Variants in SLC24A3 observed in about 807,000 individuals in gnomAD.
SLC24A3 encodes the protein solute carrier family 24 member 3.
In SLC24A3, 28 loss-of-function variants were observed where a neutral mutation model predicts 75.8. That is an observed-to-expected ratio of 0.37 (90% CI 0.27 to 0.51). SLC24A3 has a LOEUF of 0.51. Among genes scored for constraint, SLC24A3 ranks in the 20% least tolerant of loss-of-function variants. The pLI is 0.94. For synonymous variants in SLC24A3, 372 were observed against 334.1 expected (o/e 1.11, Z -1.24); for missense variants, 663 against 847.8 (o/e 0.78, Z 2.71).
chr20:19,287,403 C>T (rs1295246369), intron 2 of SLC24A3, among the ~76,000 whole-genome samples: 1 of 152,224 alleles, frequency 6.6e-6, no homozygotes, highest in Non-Finnish European at 1.5e-5. Context: ...CCATGTACAT[C>T]AGTGGAATGT....
In SLC24A3 at chr20:19,656,722, G is replaced by A. The variant is rs542118602; in HGVS notation, c.687+2586G>A. On this transcript the variant is annotated intron_variant, in intron 7 of 16. Transcript: ENST00000328041. Reference sequence around the variant, plus strand: ...ACGACTGTGCTCATGAAGACAAGGTGGTGGAACAGAATGGAGCAGATTTGG... The same window carrying A: ...ACGACTGTGCTCATGAAGACAAGGTAGTGGAACAGAATGGAGCAGATTTGG... Among the ~76,000 whole-genome samples the A allele has an allele frequency of 2.6e-5, 4 of 152,272 alleles. No individual in the cohort carries two copies. The South Asian group carries it at 8.3e-4, about 32-fold the overall frequency.
chr20:19,331,295 G>A (rs1273230955), intron 2 of SLC24A3, among the ~76,000 whole-genome samples: 2 of 152,164 alleles, frequency 1.3e-5, no homozygotes, highest in Non-Finnish European at 2.9e-5. Context: ...AGGGTGAGGG[G>A]CAATGATGCT....
intron 6 of SLC24A3, among the ~76,000 whole-genome samples, chr20:19,650,890 A>C (rs890791545): frequency 1.3e-5 from 2 of 152,120 alleles, no homozygotes; most frequent in Non-Finnish European, 2.9e-5. Flanking sequence ...TGTACGTTCA[A>C]AATTATCAAC....
intron 2 of SLC24A3, among the ~76,000 whole-genome samples, chr20:19,311,302 T>G (rs1417951973): frequency 1.3e-5 from 2 of 152,020 alleles, no homozygotes; most frequent in South Asian, 2.1e-4. Flanking sequence ...GGCCCGCGGA[T>G]GGGTTCTCTG....
intron 6 of SLC24A3, among the ~76,000 whole-genome samples, chr20:19,586,795 C>A (rs1463971766): frequency 6.6e-6 from 1 of 152,202 alleles, no homozygotes; most frequent in Non-Finnish European, 1.5e-5. Flanking sequence ...GGATGGGTCC[C>A]TTCTATCTGG....
At chr20:19,698,076 GGCA>G (rs1805396609) in intron 14 of SLC24A3, among the ~76,000 whole-genome samples, 1 of 152,164 alleles carries the variant, frequency 6.6e-6, no homozygotes, top group South Asian at 2.1e-4. Flanking sequence ...ACGGGGAGCA[GGCA>G]TGTCTTACAC....
chr20:19,264,840 C>T (rs1490969899), intron 1 of SLC24A3, among the ~76,000 whole-genome samples: 2 of 152,144 alleles, frequency 1.3e-5, no homozygotes, highest in East Asian at 1.9e-4. Context: ...TCATTCTTCA[C>T]GTGGACAATT....
chr20:19,489,962 G>A (rs1256456428), intron 2 of SLC24A3, among the ~76,000 whole-genome samples: 1 of 152,208 alleles, frequency 6.6e-6, no homozygotes, highest in East Asian at 1.9e-4. Flanking sequence ...GTAGGAGGAA[G>A]TAGAAACTGT....
intron 2 of SLC24A3, among the ~76,000 whole-genome samples, chr20:19,426,803 C>A (rs1464512196): frequency 1.3e-5 from 2 of 152,108 alleles, no homozygotes; most frequent in South Asian, 2.1e-4. Flanking sequence ...GAGGCTACTG[C>A]GGCCATCCAG....
chr20:19,533,114 C>T (rs942097422), intron 3 of SLC24A3, among the ~76,000 whole-genome samples: 1 of 152,222 alleles, frequency 6.6e-6, no homozygotes, highest in African/African-American at 2.4e-5. Flanking sequence ...CTGGGTCTAT[C>T]GGTTGACTGC....
At chr20:19,652,559 AC>A (rs1423951227) in intron 6 of SLC24A3, among the ~76,000 whole-genome samples, 5 of 152,230 alleles carry the variant, frequency 3.3e-5, no homozygotes, top group Admixed American at 1.3e-4. Flanking sequence ...CTTCTTGACA[AC>A]CCTGTCATGT....
chr20:19,367,287 G>A (rs747373048), intron 2 of SLC24A3, among the ~76,000 whole-genome samples: 7 of 152,192 alleles, frequency 4.6e-5, no homozygotes, highest in Non-Finnish European at 8.8e-5. Context: ...CACAGGAGCC[G>A]ATTGGCTCCC....
At chr20:19,299,098 A>G (rs1269939294) in intron 2 of SLC24A3, among the ~76,000 whole-genome samples, 5 of 152,032 alleles carry the variant, frequency 3.3e-5, no homozygotes, top group African/African-American at 4.8e-5. Context: ...CATCCCCCCA[A>G]CTACATGATT....
At chr20:19,399,376 A>G (rs1202532967) in intron 2 of SLC24A3, among the ~76,000 whole-genome samples, 3 of 152,096 alleles carry the variant, frequency 2.0e-5, no homozygotes, top group Non-Finnish European at 4.4e-5. Context: ...CTTCTTTTTC[A>G]ATATAGATAA....
chr20:19,534,414 G>GTT (rs1336706788), intron 3 of SLC24A3, among the ~76,000 whole-genome samples: 2 of 142,216 alleles, frequency 1.4e-5, no homozygotes, highest in East Asian at 2.0e-4. Flanking sequence ...TTGTTTTTTT[G>GTT]TTTTGTTTTG....
At chr20:19,455,571 A>G (rs1987564252) in intron 2 of SLC24A3, among the ~76,000 whole-genome samples, 1 of 152,222 alleles carries the variant, frequency 6.6e-6, no homozygotes, top group African/African-American at 2.4e-5. Context: ...ACCAGGAGCA[A>G]TCTTTAATCA....
At chr20:19,271,202 T>C (rs1475590844) in intron 1 of SLC24A3, among the ~76,000 whole-genome samples, 1 of 152,180 alleles carries the variant, frequency 6.6e-6, no homozygotes, top group East Asian at 1.9e-4. Flanking sequence ...GGGACTTGAT[T>C]TTGTGAAGCC....
chr20:19,411,250 A>G (rs916192603), intron 2 of SLC24A3, among the ~76,000 whole-genome samples: 1 of 152,172 alleles, frequency 6.6e-6, no homozygotes, highest in Admixed American at 6.5e-5. Context: ...ATGTTCCCAA[A>G]TAGGTGTTAC....
chr20:19,698,577 A>T lies in SLC24A3; in HGVS notation c.1616A>T (p.Asp539Val), dbSNP rs1353896505. ...CCTCTTGTCCCTGCAGGGATGGGGGACATGGCTGTGTCCAACTCCATTGGG... is the reference window on the plus strand; with the variant it reads ...CCTCTTGTCCCTGCAGGGATGGGGGTCATGGCTGTGTCCAACTCCATTGGG... ...SLIVARQGMG[D>V]MAVSNSIGSN... The change falls in exon 15 of 17, where the codon GAC becomes GTC. Residue 539 changes from aspartate to valine, a missense_variant. Physicochemically the swap from Asp to Val is radical, Grantham distance 152 (BLOSUM62 -3). Coordinates refer to ENST00000328041, the MANE Select transcript of SLC24A3 (RefSeq NM_020689.4). 5 of 1,581,558 alleles carry T rather than the reference A, an allele frequency of 3.2e-6. No homozygotes were observed. The highest frequency in any genetic ancestry group is 1.3e-5 in the African/African-American group (1 of 74,218).
Sources: allele counts gnomAD v4.1 joint callset (sites outside exome capture counted in the v4.1 genomes callset), GRCh38; gene constraint gnomAD v4.1.1; transcripts MANE v1.5; gene names NCBI Gene and HGNC (gene_info 2026-07-23, HGNC 2026-07-21).